The following NRXN1 variants were observed in gnomAD, a reference collection of about 807,000 sequenced individuals.
NRXN1 encodes the protein neurexin 1, also known as neurexin-1.
A neutral mutation model predicts 150.9 loss-of-function variants in NRXN1; 39 were observed. That is an observed-to-expected ratio of 0.26 (90% CI 0.20 to 0.34). NRXN1 has a LOEUF of 0.34. Among genes scored for constraint, NRXN1 ranks in the 10% least tolerant of loss-of-function variants. NRXN1 has a pLI of 1.00. For synonymous variants in NRXN1, 924 were observed against 757.0 expected, an observed-to-expected ratio of 1.22 and a Z score of -3.62; for missense variants, 1,815 against 1,949.9, an observed-to-expected ratio of 0.93 and a Z score of 1.30.
chr2:50,227,334 A>C (rs77579112), intron 18 of NRXN1, among the ~76,000 whole-genome samples: 1,723 of 152,124 alleles, frequency 0.011, 37 homozygotes, highest in African/African-American at 0.04. Flanking sequence ...AAAATACTTA[A>C]AGAATACTAT....
intron 17 of NRXN1, among the ~76,000 whole-genome samples, chr2:50,336,129 T>C (rs2077177729): frequency 6.6e-6 from 1 of 152,230 alleles, no homozygotes; most frequent in Non-Finnish European, 1.5e-5. Context: ...TAATCCTTTA[T>C]GTCACAAGGG....
rs1264354802 is a variant in NRXN1 at position 51,029,147 on chromosome 2, T to G, written c.-874A>C. 1 of 152,252 alleles carries G rather than the reference T, an allele frequency of 6.6e-6. No individual in the cohort carries two copies. Among genetic ancestry groups the G allele is most frequent in the African/African-American group, 2.4e-5 (1 of 41,470 alleles). 9.4% of individuals were successfully genotyped at this position (152,252 alleles called of 1,614,324 possible). On this transcript the variant is annotated 5_prime_UTR_variant, in exon 2 of 23. Transcript: ENST00000401669. Reference sequence around the variant, plus strand: ...GCCAGCACATCAATTGGTTGTGTGTTGGTGATGCATTTTGGTTTTATCTTG... The same window carrying G: ...GCCAGCACATCAATTGGTTGTGTGTGGGTGATGCATTTTGGTTTTATCTTG...
At chr2:50,839,460 T>G (rs1418408104) in intron 5 of NRXN1, among the ~76,000 whole-genome samples, 1 of 152,152 alleles carries the variant, frequency 6.6e-6, no homozygotes, top group Non-Finnish European at 1.5e-5. Flanking sequence ...GTATCAATAT[T>G]TTTAACACAC....
At chr2:50,960,561 C>G (rs895349061) in intron 2 of NRXN1, among the ~76,000 whole-genome samples, 15 of 151,904 alleles carry the variant, frequency 9.9e-5, no homozygotes, top group African/African-American at 3.6e-4. Flanking sequence ...ATATTATCAC[C>G]TACATGGAGG....
intron 5 of NRXN1, among the ~76,000 whole-genome samples, chr2:50,689,198 A>T (rs1691699379): frequency 6.6e-6 from 1 of 152,164 alleles, no homozygotes; most frequent in Non-Finnish European, 1.5e-5. Flanking sequence ...ATATCACTGG[A>T]GAGACACAAG....
At chr2:50,785,448 C>T (rs1024214136) in intron 5 of NRXN1, among the ~76,000 whole-genome samples, 1 of 151,932 alleles carries the variant, frequency 6.6e-6, no homozygotes, top group Non-Finnish European at 1.5e-5. Flanking sequence ...CGGGGTTTCA[C>T]CCTGTTAGCC....
At position 50,793,971 on chromosome 2, in the gene NRXN1, G is replaced by A. The variant is rs149611338; in HGVS notation, c.832+127898C>T. Among the ~76,000 whole-genome samples the A allele has an allele frequency of 3.1e-4, 47 of 152,094 alleles. 3 individuals carry two copies. In the East Asian group the frequency reaches 8.9e-3, roughly 29 times the overall value. Reference sequence around the variant, plus strand: ...TTTGACAATGTTTGTAGACATTTTTGTTTGTTACAAGTGGAGTGGTGGTTG... The same window carrying A: ...TTTGACAATGTTTGTAGACATTTTTATTTGTTACAAGTGGAGTGGTGGTTG... On this transcript the variant is annotated intron_variant, in intron 5 of 22. Coordinates refer to ENST00000401669, the MANE Select transcript of NRXN1 (RefSeq NM_001330078.2).
chr2:50,164,413 C>A (rs2059550206), intron 18 of NRXN1, among the ~76,000 whole-genome samples: 1 of 152,060 alleles, frequency 6.6e-6, no homozygotes, highest in African/African-American at 2.4e-5. Flanking sequence ...CAGAGAAGAC[C>A]ATAAGAAATA....
intron 17 of NRXN1, among the ~76,000 whole-genome samples, chr2:50,371,205 G>C (rs769206048): frequency 5.3e-5 from 8 of 151,920 alleles, no homozygotes; most frequent in Non-Finnish European, 1.0e-4. Context: ...TTCCACTGAG[G>C]TCTAACTCCC....
intron 5 of NRXN1, among the ~76,000 whole-genome samples, chr2:50,772,162 C>A (rs535423871): frequency 1.3e-5 from 2 of 151,942 alleles, no homozygotes; most frequent in East Asian, 3.9e-4. Flanking sequence ...TCTATGAGGT[C>A]TCCGATGTGC....
chr2:50,411,023 A>G (rs1485779899), intron 17 of NRXN1, among the ~76,000 whole-genome samples: 3 of 152,092 alleles, frequency 2.0e-5, no homozygotes, highest in Non-Finnish European at 4.4e-5. Context: ...GTTTTTAAAA[A>G]TAATCTCCCT....
rs1276675354 is a variant in NRXN1 at position 50,638,519 on chromosome 2, C to A, written c.833-14904G>T. On this transcript the variant is annotated intron_variant, in intron 5 of 22. Coordinates refer to ENST00000401669, the MANE Select transcript of NRXN1 (RefSeq NM_001330078.2). The stretch of plus-strand genomic sequence containing the variant: ...GCAATTTCATTGGTTAGAGAACATT[C>A]TGGCCAAACTGAATAACACTACCTC... Among the ~76,000 whole-genome samples, 8 of 152,112 alleles carry A rather than the reference C, an allele frequency of 5.3e-5. No homozygotes were observed. The East Asian group carries it at 1.6e-3, about 29-fold the overall frequency.
At chr2:50,218,490 CTTTTTT>C (rs34919769) in intron 18 of NRXN1, among the ~76,000 whole-genome samples, 1 of 136,758 alleles carries the variant, frequency 7.3e-6, no homozygotes, top group Non-Finnish European at 1.6e-5. Flanking sequence ...TTAGCACCTT[CTTTTTT>C]TTTTTTTTTT....
At chr2:50,471,939 G>A (rs989832724) in intron 16 of NRXN1, among the ~76,000 whole-genome samples, 1 of 151,626 alleles carries the variant, frequency 6.6e-6, no homozygotes, top group South Asian at 2.1e-4. Flanking sequence ...ATTAATACTC[G>A]GTGGAGCAGT....
chr2:50,233,428 A>AAAT (rs1161992095), intron 18 of NRXN1, among the ~76,000 whole-genome samples: 3 of 152,078 alleles, frequency 2.0e-5, no homozygotes, highest in Non-Finnish European at 2.9e-5. Context: ...TTATTCTGAA[A>AAAT]AATTGGATGA....
chr2:50,663,889 C>G (rs1349607109), intron 5 of NRXN1, among the ~76,000 whole-genome samples: 3 of 151,978 alleles, frequency 2.0e-5, no homozygotes, highest in Non-Finnish European at 4.4e-5. Context: ...TTTTAGTTGG[C>G]TGAAAATACC....
At chr2:50,103,222 T>C (rs1017955262) in intron 18 of NRXN1, among the ~76,000 whole-genome samples, 1 of 152,114 alleles carries the variant, frequency 6.6e-6, no homozygotes, top group African/African-American at 2.4e-5. Flanking sequence ...TCTACGCTCA[T>C]ATTTCTAAAC....
intron 5 of NRXN1, among the ~76,000 whole-genome samples, chr2:50,734,786 T>C (rs931776717): frequency 1.3e-5 from 2 of 151,084 alleles, no homozygotes; most frequent in Admixed American, 1.3e-4. Context: ...TTGGCTAAAA[T>C]GGCAGACACA....
chr2:50,687,720 C>G (rs1403284173), intron 5 of NRXN1, among the ~76,000 whole-genome samples: 2 of 152,178 alleles, frequency 1.3e-5, no homozygotes, highest in African/African-American at 4.8e-5. Flanking sequence ...TTAGATTGGG[C>G]AACCGCGTTA....
Sources: gnomAD v4.1 joint callset for allele counts (sites outside exome capture counted in the v4.1 genomes callset) on GRCh38, gnomAD v4.1.1 for gene constraint, MANE v1.5 for transcripts, NCBI Gene and HGNC (gene_info 2026-07-23, HGNC 2026-07-21) for gene names.